The following ZNF469 variants were observed in gnomAD, a reference collection of about 807,000 sequenced individuals.
ZNF469 encodes zinc finger protein 469.
In ZNF469, 1 loss-of-function variant was observed where a neutral mutation model predicts 1.0. The observed-to-expected ratio is 1.00, with a 90% CI of 0.35 to 4.73. The LOEUF (loss-of-function observed/expected upper bound fraction) is 4.73, where lower values mean the gene tolerates loss of function less well. ZNF469 is among the 30% of genes most tolerant of loss of function. The pLI, the probability that ZNF469 is intolerant of heterozygous loss-of-function variation, is 0.16. For missense variants in ZNF469, 6,100 were observed against 5,356.3 expected, an observed-to-expected ratio of 1.14 and a Z score of -4.33; for synonymous variants, 2,703 against 2,363.4, an observed-to-expected ratio of 1.14 and a Z score of -4.17.
At chr16:88,128,959 G>A in the ZNF469 span, among the ~76,000 whole-genome samples, 2 of 152,260 alleles carry the variant, frequency 1.3e-5, no homozygotes, top group Non-Finnish European at 2.9e-5. Flanking sequence ...AACCTTCGAT[G>A]ACTGGAAAAT....
chr16:88,306,633 G>C, the ZNF469 span, among the ~76,000 whole-genome samples: 25 of 152,288 alleles, frequency 1.6e-4, no homozygotes, highest in African/African-American at 5.8e-4. Context: ...ATGACTGCCC[G>C]GCATTGCTTG....
At chr16:88,381,797 C>T (rs986789023), upstream of ZNF469, among the ~76,000 whole-genome samples, 12 of 152,252 alleles carry the variant, frequency 7.9e-5, no homozygotes, top group Non-Finnish European at 2.9e-5. Flanking sequence ...CTGCCATGTG[C>T]AGTTCCTTTT....
intron 1 of ZNF469, among the ~76,000 whole-genome samples, chr16:88,396,298 C>G (rs1440845831): frequency 6.6e-6 from 1 of 152,280 alleles, no homozygotes; most frequent in Non-Finnish European, 1.5e-5. Context: ...TCTCCTGGCT[C>G]TGCTTTTCTG....
At chr16:88,325,264 C>CTGACAGCCG in the ZNF469 span, among the ~76,000 whole-genome samples, 2 of 148,218 alleles carry the variant, frequency 1.3e-5, no homozygotes, top group South Asian at 2.2e-4. Context: ...CCAGGTGGTC[C>CTGACAGCCG]CTACAGGCTC....
At chr16:88,236,730 G>T in the ZNF469 span, among the ~76,000 whole-genome samples, 6 of 152,032 alleles carry the variant, frequency 3.9e-5, no homozygotes, top group East Asian at 7.7e-4. Context: ...AGCCGGGCGT[G>T]GTGGGGGGTG....
At chr16:88,361,759 G>A in the ZNF469 span, among the ~76,000 whole-genome samples, 1 of 150,570 alleles carries the variant, frequency 6.6e-6, no homozygotes, top group Non-Finnish European at 1.5e-5. Flanking sequence ...TGCTTTTCAT[G>A]TCCTAAGATA....
chr16:88,265,979 G>C, the ZNF469 span, among the ~76,000 whole-genome samples: 1 of 152,222 alleles, frequency 6.6e-6, no homozygotes, highest in Non-Finnish European at 1.5e-5. Flanking sequence ...GCACATGACG[G>C]GCCCTGAGTG....
chr16:88,208,814 C>G, the ZNF469 span, among the ~76,000 whole-genome samples: 4 of 102,068 alleles, frequency 3.9e-5, no homozygotes, highest in African/African-American at 1.3e-4. Flanking sequence ...CTCTCTCTCT[C>G]TCTCTCTCTC....
In ZNF469 at chr16:88,430,729, C is replaced by A; in HGVS notation, c.3259C>A (p.Arg1087Ser). 1 of 1,499,134 alleles carries A rather than the reference C, an allele frequency of 6.7e-7. No individual in the cohort carries two copies. Among genetic ancestry groups the A allele is most frequent in the Non-Finnish European group, 8.8e-7 (1 of 1,132,094 alleles). The allele number at this position is 1,499,134 out of a possible 1,614,324, so 92.9% of individuals were successfully genotyped here. A position where few individuals can be genotyped will look rare whatever the true frequency, so the allele number is the denominator to read the frequency against. ...GAGGCCCCGGCCCGGAGCTGAGGAC[C>A]GCAGGCTCCGCGAGTACGACTTCGC... is the stretch of plus-strand genomic sequence containing the variant. ...AGRPRPGAED[R>S]RLREYDFASE... The change falls in exon 3 of 3, where the codon CGC becomes AGC. Residue 1087 changes from arginine (R) to serine (S), a missense_variant. By Grantham distance (110) the Arg-to-Ser change is moderately radical. Coordinates refer to ENST00000565624, the MANE Select transcript of ZNF469 (RefSeq NM_001367624.2).
chr16:88,299,318 G>A, the ZNF469 span, among the ~76,000 whole-genome samples: 3 of 152,058 alleles, frequency 2.0e-5, no homozygotes, highest in Non-Finnish European at 4.4e-5. Context: ...TGCAGCAGGA[G>A]AGGGCTTCCT....
chr16:88,204,203 T>C, the ZNF469 span, among the ~76,000 whole-genome samples: 429 of 67,126 alleles, frequency 6.4e-3, no homozygotes, highest in Admixed American at 7.6e-3. Context: ...CCCCGTAACC[T>C]CATAGAGAAG....
intron 1 of ZNF469, among the ~76,000 whole-genome samples, chr16:88,408,163 G>GT (rs1268056135): frequency 3.9e-5 from 6 of 152,124 alleles, no homozygotes; most frequent in Non-Finnish European, 8.8e-5. Flanking sequence ...TTTTGTGTGT[G>GT]TTTTTTTGCA....
At chr16:88,351,657 G>T in the ZNF469 span, among the ~76,000 whole-genome samples, 3 of 152,212 alleles carry the variant, frequency 2.0e-5, no homozygotes, top group African/African-American at 2.4e-5. Flanking sequence ...CTGGGCTGTG[G>T]ATCTGAGGTC....
At chr16:88,166,772 A>AACACACACACACACACACAC in the ZNF469 span, among the ~76,000 whole-genome samples, 1,123 of 145,844 alleles carry the variant, frequency 7.7e-3, 11 homozygotes, top group African/African-American at 0.026. The surrounding 1 kb of genome is among the most constrained non-coding windows in gnomAD (Gnocchi z 4.5). Flanking sequence ...CAGAATCATA[A>AACACACACACACACACACAC]ACACACACAC....
Position 88,439,129 on chromosome 16 carries a change from A to G in ZNF469, c.11659A>G (p.Arg3887Gly). ...QRKAEPGHTQ[R>G]KDRLGKAFPQ... ...GAAGGCAGAGCCGGGCCACACACAG[A>G]GGAAGGACAGACTGGGCAAGGCCTT... Residue 3887 changes from arginine to glycine, a missense_variant, in exon 3 of 3, where the codon AGG becomes GGG. Transcript: ENST00000565624. The G allele has an allele frequency of 1.9e-6, 3 of 1,550,866 alleles. No homozygotes were observed. Among genetic ancestry groups the G allele is most frequent in the Non-Finnish European group, 2.6e-6 (3 of 1,146,982 alleles).
At chr16:88,223,134 T>G in the ZNF469 span, among the ~76,000 whole-genome samples, 5 of 152,230 alleles carry the variant, frequency 3.3e-5, no homozygotes, top group Non-Finnish European at 7.3e-5. Context: ...GGTTTGGCTG[T>G]GTCCCCACCC....
the ZNF469 span, among the ~76,000 whole-genome samples, chr16:88,274,228 G>A: frequency 1.3e-5 from 2 of 152,226 alleles, no homozygotes; most frequent in African/African-American, 2.4e-5. Flanking sequence ...TACCCATGGT[G>A]TGAGGTCCCT....
the ZNF469 span, among the ~76,000 whole-genome samples, chr16:88,145,837 C>T: frequency 5.9e-5 from 9 of 152,210 alleles, no homozygotes; most frequent in South Asian, 2.1e-4. Context: ...TCCTGTGGCC[C>T]GAGGCCATGA....
At chr16:88,273,802 A>ATTT in the ZNF469 span, among the ~76,000 whole-genome samples, 6 of 117,866 alleles carry the variant, frequency 5.1e-5, no homozygotes, top group East Asian at 2.7e-4. Flanking sequence ...ACACTGTGGA[A>ATTT]TATTTTTTTT....
Sources: gnomAD v4.1 joint callset for allele counts (sites outside exome capture counted in the v4.1 genomes callset) on GRCh38, gnomAD v4.1.1 for gene constraint, Gnocchi (gnomAD v3.1) non-coding constraint, MANE v1.5 for transcripts, NCBI Gene and HGNC (gene_info 2026-07-23, HGNC 2026-07-21) for gene names.